Variants in PLEKHM2 observed in about 807,000 individuals in gnomAD.
The protein encoded by PLEKHM2 is pleckstrin homology and RUN domain containing M2, also known as pleckstrin homology domain-containing family M member 2.
PLEKHM2 carries 77 observed loss-of-function variants against 116.3 expected under a neutral mutation model. The observed-to-expected ratio is 0.66, with a 90% CI of 0.55 to 0.80. The LOEUF (loss-of-function observed/expected upper bound fraction) is 0.80. Among genes scored for constraint, PLEKHM2 ranks in the 30% least tolerant of loss-of-function variants. The pLI, the probability that PLEKHM2 is intolerant of heterozygous loss-of-function variation, is 0.00. For synonymous variants in PLEKHM2, 562 were observed against 571.0 expected (o/e 0.98, Z 0.22); for missense variants, 1,183 against 1,354.9 (o/e 0.87, Z 1.99).
intron 1 of PLEKHM2, among the ~76,000 whole-genome samples, chr1:15,699,857 A>G (rs923827864): frequency 6.6e-6 from 1 of 151,660 alleles, no homozygotes; most frequent in African/African-American, 2.4e-5. Flanking sequence ...GTGTGCGCCT[A>G]TAGTCCCAGC....
rs1201878788 is a variant in PLEKHM2, at chr1:15,719,836, G to A, written c.568G>A (p.Asp190Asn). ...CCTTCCCAGCTCGGTCCACGGCTCA[G>A]ACAGTCTGTCCCTCAACTCTTTCAA... ...DRLPSSVHGS[D>N]SLSLNSFNSV... The change falls in exon 6 of 20, where the codon GAC becomes AAC. Residue 190 changes from aspartate to asparagine, a missense_variant. Physicochemically the swap from Asp to Asn is conservative, Grantham distance 23. This residue lies in a region of PLEKHM2 where 217 missense variants were observed against 277.6 expected (regional missense o/e 0.78). Coordinates refer to ENST00000375799, the MANE Select transcript of PLEKHM2 (RefSeq NM_015164.4). The surrounding 1 kb of genome is among the most constrained non-coding windows in gnomAD (Gnocchi z 4.1). 1.2e-6 allele frequency: 2 copies of A among 1,613,906 alleles called. No homozygotes were observed. The highest frequency in any genetic ancestry group is 1.7e-6 in the Non-Finnish European group (2 of 1,179,848).
Position 15,719,311 on chromosome 1 carries a change from G to C in PLEKHM2, c.466-423G>C, listed in dbSNP as rs2067954762. 6.6e-6 allele frequency among the ~76,000 whole-genome samples: 1 copy of C among 152,182 alleles called. No homozygotes were observed. The highest frequency in any genetic ancestry group is 6.5e-5 in the Admixed American group (1 of 15,280). ...CTAAAAAAATACAAAAGTTAGCGGG[G>C]TGTGGTGATGGGCGCCTATAATCTC... On this transcript the variant is annotated intron_variant, in intron 5 of 19. Coordinates refer to ENST00000375799, the MANE Select transcript of PLEKHM2 (RefSeq NM_015164.4). This position sits in a 1 kb window ranked among gnomAD's most constrained non-coding sequence, Gnocchi z 4.1.
intron 6 of PLEKHM2, chr1:15,720,595 C>A: frequency 2.3e-6 from 1 of 430,334 alleles, no homozygotes; most frequent in Non-Finnish European, 3.1e-6. Context: ...CTCTTTATCT[C>A]CTGTAGGAGA....
At chr1:15,684,676 C>T (rs956623866) in intron 1 of PLEKHM2, 58 bp downstream of exon 1, 12 of 721,384 alleles carry the variant, frequency 1.7e-5, no homozygotes, top group Non-Finnish European at 2.1e-5. Flanking sequence ...CCCACGCCCT[C>T]CGGCGGCGCT....
At chr1:15,704,854 C>G (rs946218948) in intron 1 of PLEKHM2, among the ~76,000 whole-genome samples, 2 of 152,238 alleles carry the variant, frequency 1.3e-5, no homozygotes, top group Admixed American at 6.5e-5. Context: ...TTTCTGCCCA[C>G]CTCGCTGGCT....
rs376636032 is a variant in PLEKHM2 at position 15,727,245 on chromosome 1, G to A, written c.1173G>A (p.Pro391=). 1.3e-5 allele frequency: 21 copies of A among 1,604,356 alleles called. No individual in the cohort carries two copies. Among genetic ancestry groups the A allele is most frequent in the Middle Eastern group, 1.6e-4 (1 of 6,080 alleles). Residue 391 remains proline, a synonymous_variant, in exon 9 of 20, where the codon CCG becomes CCA. Coordinates refer to ENST00000375799, the MANE Select transcript of PLEKHM2 (RefSeq NM_015164.4). This position sits in a 1 kb window ranked among gnomAD's most constrained non-coding sequence, Gnocchi z 7.5. ...STTESSERSE[P]GLLIPEMKDT... is the part of the protein sequence containing the mutation. ...CGGAGAGCAGCGAGCGCTCCGAGCC[G>A]GGCCTGCTGATCCCTGAGATGAAGG...
rs150818926 is a variant in PLEKHM2 at position 15,695,793 on chromosome 1, C to T, written c.60+11175C>T. ...TGCTGGGATTACAGGTGTGAGTCAC[C>T]GCACCTGGCCTTGGGGTTTGTTTTT... On this transcript the variant is annotated intron_variant, in intron 1 of 19. Coordinates refer to ENST00000375799, the MANE Select transcript of PLEKHM2 (RefSeq NM_015164.4). Among the ~76,000 whole-genome samples, 141 of 152,010 alleles carry T rather than the reference C, an allele frequency of 9.3e-4. 2 individuals are homozygous for T. In the East Asian group the frequency reaches 0.023, roughly 25 times the overall value.
rs1640952539 is a variant in PLEKHM2 at position 15,694,532 on chromosome 1, T to A, written c.60+9914T>A. Among the ~76,000 whole-genome samples, 4 of 152,228 alleles carry A rather than the reference T, an allele frequency of 2.6e-5. No homozygotes were observed. The South Asian group carries it at 8.3e-4, about 32-fold the overall frequency. ...GTCTCCTTTCCAGCCCTATCCTCCT[T>A]GGTGTTGCTCATTCCAGGTGCAAAC... On this transcript the variant is annotated intron_variant, in intron 1 of 19. Transcript: ENST00000375799.
chr1:15,694,135 C>T (rs759713318), intron 1 of PLEKHM2, among the ~76,000 whole-genome samples: 20 of 151,984 alleles, frequency 1.3e-4, no homozygotes, highest in Non-Finnish European at 2.8e-4. Context: ...GGGCAGATCA[C>T]GAGATCAGGA....
chr1:15,724,988 G>A (rs978102459), intron 7 of PLEKHM2, among the ~76,000 whole-genome samples: 6 of 152,120 alleles, frequency 3.9e-5, no homozygotes, highest in Non-Finnish European at 7.4e-5. Flanking sequence ...TGGAGGCCTC[G>A]AAGTCACCAT....
Position 15,718,050 on chromosome 1 carries a change from C to A in PLEKHM2, c.377+58C>A, listed in dbSNP as rs1344952044. 7.4e-6 allele frequency: 8 copies of A among 1,078,138 alleles called. No individual in the cohort carries two copies. The African/African-American group carries it at 9.4e-5, about 13-fold the overall frequency. The allele number at this position is 1,078,138 out of a possible 1,614,324, so 66.8% of individuals were successfully genotyped here. On this transcript the variant is annotated intron_variant, in intron 4 of 19. Transcript: ENST00000375799. The stretch of plus-strand genomic sequence containing the variant: ...CTCAGAGCTCCCTTTCAGCTACCTC[C>A]CAAAGGCTCTTGTCATGCAGACAGC...
At chr1:15,732,329 T>A in intron 17 of PLEKHM2, 21 bp from the exon 18 acceptor site, 1 of 1,542,736 alleles carries the variant, frequency 6.5e-7, no homozygotes, top group Non-Finnish European at 8.8e-7. Context: ...CCAGCCTGCC[T>A]CTCCCCTGCC....
At chr1:15,713,505 C>G (rs1294024128) in intron 1 of PLEKHM2, among the ~76,000 whole-genome samples, 1 of 152,142 alleles carries the variant, frequency 6.6e-6, no homozygotes, top group Non-Finnish European at 1.5e-5. Flanking sequence ...TGGGTCCTGT[C>G]ACTTAACTAA....
intron 1 of PLEKHM2, 77 bp downstream of exon 1, chr1:15,684,695 C>CTGG (rs1308242805): frequency 1.3e-6 from 1 of 750,504 alleles, no homozygotes; most frequent in African/African-American, 2.1e-5. Context: ...CTCTCCCGGG[C>CTGG]CGGGGCCCCC....
chr1:15,689,393 T>C (rs1640843177), intron 1 of PLEKHM2, among the ~76,000 whole-genome samples: 2 of 152,094 alleles, frequency 1.3e-5, no homozygotes, highest in South Asian at 4.1e-4. Flanking sequence ...TGACCTGTCT[T>C]AAGAGGGACC....
chr1:15,720,628 C>A, intron 6 of PLEKHM2: 1 of 251,504 alleles, frequency 4.0e-6, no homozygotes, highest in Non-Finnish European at 6.3e-6. Flanking sequence ...ATTTACTTCA[C>A]CCCACCACCT....
At chr1:15,711,363 C>A (rs903566085) in intron 1 of PLEKHM2, among the ~76,000 whole-genome samples, 1 of 151,978 alleles carries the variant, frequency 6.6e-6, no homozygotes, top group Non-Finnish European at 1.5e-5. Context: ...TGCCTGTAAT[C>A]CCCACACTTT....
intron 2 of PLEKHM2, 117 bp downstream of exon 2, chr1:15,716,460 GATTTGT>G (rs1412761093): frequency 1.5e-5 from 11 of 722,772 alleles, no homozygotes; most frequent in Non-Finnish European, 2.5e-5. Context: ...GGCAGAAAGG[GATTTGT>G]CCCACTCAAG....
intron 1 of PLEKHM2, among the ~76,000 whole-genome samples, chr1:15,685,467 TTC>T (rs1241458914): frequency 6.6e-6 from 1 of 151,236 alleles, no homozygotes; most frequent in Non-Finnish European, 1.5e-5. Context: ...GAATGGATTT[TTC>T]TCTCTCTCTC....
Sources: allele counts gnomAD v4.1 joint callset (sites outside exome capture counted in the v4.1 genomes callset), GRCh38; gene constraint gnomAD v4.1.1; regional missense constraint gnomAD v4.1.1; non-coding constraint Gnocchi (gnomAD v3.1); transcripts MANE v1.5; gene names NCBI Gene and HGNC (gene_info 2026-07-23, HGNC 2026-07-21).